Variants in TSPAN15 observed in about 807,000 individuals in gnomAD.
TSPAN15 encodes the protein tetraspanin 15.
In TSPAN15, 20 loss-of-function variants were observed where a neutral mutation model predicts 34.5. The ratio of observed to expected loss-of-function variants is 0.58; its 90% CI spans 0.41 to 0.84. The LOEUF (loss-of-function observed/expected upper bound fraction) is 0.84, where lower values mean the gene tolerates loss of function less well. Ranked by LOEUF, TSPAN15 falls within the 40% of genes least tolerant of loss-of-function variation. TSPAN15 has a pLI of 0.00. For synonymous variants in TSPAN15, 155 were observed against 153.9 expected, an observed-to-expected ratio of 1.01 and a Z score of -0.05; for missense variants, 313 against 386.1, an observed-to-expected ratio of 0.81 and a Z score of 1.59.
intron 5 of TSPAN15, among the ~76,000 whole-genome samples, chr10:69,502,736 G>A (rs1305167208): frequency 2.0e-5 from 3 of 152,096 alleles, no homozygotes; most frequent in Non-Finnish European, 4.4e-5. Flanking sequence ...AGTCCCCCCT[G>A]GGCCTGGAGA....
At chr10:69,482,975 TTTGTTG>T (rs965296687) in intron 1 of TSPAN15, among the ~76,000 whole-genome samples, 1 of 143,796 alleles carries the variant, frequency 7.0e-6, no homozygotes, top group African/African-American at 2.5e-5. Context: ...ATTTTTTTTT[TTTGTTG>T]TTGTTGTTGT....
chr10:69,529,168 G>T, the TSPAN15 span, among the ~76,000 whole-genome samples: 3 of 148,118 alleles, frequency 2.0e-5, no homozygotes, highest in Non-Finnish European at 4.5e-5. Context: ...GTCCTTCCCG[G>T]GTTCCCAAGA....
chr10:69,455,634 C>CCT (rs1841089090), intron 1 of TSPAN15, among the ~76,000 whole-genome samples: 1 of 126,150 alleles, frequency 7.9e-6, no homozygotes, highest in Non-Finnish European at 1.7e-5. Context: ...CTCCCCCCCC[C>CCT]GTCTCTTTCT....
intron 3 of TSPAN15, among the ~76,000 whole-genome samples, chr10:69,494,197 C>T (rs1842028908): frequency 6.6e-6 from 1 of 152,194 alleles, no homozygotes; most frequent in Non-Finnish European, 1.5e-5. Flanking sequence ...ACTCGTGCCT[C>T]AGAGGCTGCC....
intron 3 of TSPAN15, among the ~76,000 whole-genome samples, chr10:69,492,998 G>A (rs12413852): frequency 0.45 from 68,895 of 152,044 alleles, 16,127 homozygotes; most frequent in African/African-American, 0.54. Context: ...CCATGAGTAC[G>A]TAGCTCAGCC....
downstream of TSPAN15, among the ~76,000 whole-genome samples, chr10:69,508,256 C>A (rs545087378): frequency 2.0e-5 from 3 of 152,030 alleles, no homozygotes; most frequent in African/African-American, 7.2e-5. Flanking sequence ...GCCTGACCAA[C>A]ATAGTGAAAC....
Position 69,504,455 on chromosome 10 carries a change from C to T in TSPAN15, c.588C>T (p.Thr196=), listed in dbSNP as rs1842281884. ...CIRNTTEVVN[T]MCGYKTIDKE... Reference sequence around the variant, plus strand: ...CATTTCAGACAGAAGTTGTCAACACCATGTGTGGCTACAAAACTATCGACA... The same window carrying T: ...CATTTCAGACAGAAGTTGTCAACACTATGTGTGGCTACAAAACTATCGACA... Residue 196 remains threonine (T), a synonymous_variant, in exon 6 of 8, where the codon ACC becomes ACT. Transcript: ENST00000373290. 1 of 1,613,886 alleles carries T rather than the reference C, an allele frequency of 6.2e-7. No individual in the cohort carries two copies. The highest frequency in any genetic ancestry group is 1.7e-5 in the Admixed American group (1 of 59,992).
intron 1 of TSPAN15, among the ~76,000 whole-genome samples, chr10:69,455,822 A>T (rs28463525): frequency 0.12 from 17,759 of 151,786 alleles, 1,141 homozygotes; most frequent in Non-Finnish European, 0.13. Context: ...ATACAGCTTG[A>T]TGAGTTTTCA....
At chr10:69,533,903 T>C in the TSPAN15 span, among the ~76,000 whole-genome samples, 1,872 of 152,288 alleles carry the variant, frequency 0.012, 33 homozygotes, top group East Asian at 0.036. Flanking sequence ...TGCTGCAGAA[T>C]TGATTGCTTG....
chr10:69,473,901 G>A lies in TSPAN15; in HGVS notation c.97-9790G>A, dbSNP rs536894951. Reference sequence around the variant, plus strand: ...GTACAGTTCCGATGTGGGATTCCATGCAAAGGGGGAAAGAATAAACCAAGG... The same window carrying A: ...GTACAGTTCCGATGTGGGATTCCATACAAAGGGGGAAAGAATAAACCAAGG... On this transcript the variant is annotated intron_variant, in intron 1 of 7. Transcript: ENST00000373290. 2.0e-5 allele frequency among the ~76,000 whole-genome samples: 3 copies of A among 152,268 alleles called. No individual in the cohort carries two copies. In the East Asian group the frequency reaches 5.8e-4, roughly 29 times the overall value.
chr10:69,543,965 C>CT, the TSPAN15 span, among the ~76,000 whole-genome samples: 1 of 149,094 alleles, frequency 6.7e-6, no homozygotes, highest in Non-Finnish European at 1.5e-5. Flanking sequence ...ACATGGCCTC[C>CT]TGCATACAGG....
chr10:69,514,472 G>A, the TSPAN15 span, among the ~76,000 whole-genome samples: 1 of 152,290 alleles, frequency 6.6e-6, no homozygotes, highest in South Asian at 2.1e-4. Context: ...CACTAGTGAA[G>A]CTACCTGGAA....
intron 1 of TSPAN15, among the ~76,000 whole-genome samples, chr10:69,463,238 T>C (rs2133071593): frequency 6.6e-6 from 1 of 152,356 alleles, no homozygotes; most frequent in South Asian, 2.1e-4. Context: ...CCTTCAATGA[T>C]ATCTCGAGTT....
intron 3 of TSPAN15, among the ~76,000 whole-genome samples, chr10:69,486,313 T>C (rs1156562058): frequency 6.6e-6 from 1 of 152,218 alleles, no homozygotes; most frequent in Non-Finnish European, 1.5e-5. Context: ...AGAAGCCCCA[T>C]TCTCTGTGTC....
chr10:69,524,718 A>G, the TSPAN15 span, among the ~76,000 whole-genome samples: 1 of 147,250 alleles, frequency 6.8e-6, no homozygotes, highest in African/African-American at 2.5e-5. Context: ...TCAGTAGACA[A>G]AAAAAATAGA....
chr10:69,452,448 C>G (rs943331370), intron 1 of TSPAN15, among the ~76,000 whole-genome samples: 1 of 152,174 alleles, frequency 6.6e-6, no homozygotes, highest in African/African-American at 2.4e-5. Context: ...TGAGCACTTG[C>G]TGAGTGATCT....
chr10:69,507,212 G>A lies in TSPAN15; in HGVS notation c.*234G>A. ...AGCTCTGGAATCTGTGCCCACCTGG[G>A]GCCTGGGGAACAAGGCCCTCCTTTC... On this transcript the variant is annotated 3_prime_UTR_variant, in exon 8 of 8. Coordinates refer to ENST00000373290, the MANE Select transcript of TSPAN15 (RefSeq NM_012339.5). 7.1e-7 allele frequency: 1 copy of A among 1,407,466 alleles called. No homozygotes were observed. The highest frequency in any genetic ancestry group is 9.2e-7 in the Non-Finnish European group (1 of 1,086,100). The allele number at this position is 1,407,466 out of a possible 1,614,324, so 87.2% of individuals were successfully genotyped here. A position where few individuals can be genotyped will look rare whatever the true frequency, so the allele number is the denominator to read the frequency against.
At chr10:69,477,392 C>A (rs894981740) in intron 1 of TSPAN15, among the ~76,000 whole-genome samples, 1 of 152,144 alleles carries the variant, frequency 6.6e-6, no homozygotes, top group Non-Finnish European at 1.5e-5. Context: ...GGATTACAGA[C>A]ATGAGCCACT....
intron 5 of TSPAN15, among the ~76,000 whole-genome samples, chr10:69,501,887 A>G (rs1842215995): frequency 6.6e-6 from 1 of 152,178 alleles, no homozygotes; most frequent in South Asian, 2.1e-4. Context: ...TGTGCATGCA[A>G]GGGACCTAGG....
Sources: allele counts gnomAD v4.1 joint callset (sites outside exome capture counted in the v4.1 genomes callset), GRCh38; gene constraint gnomAD v4.1.1; transcripts MANE v1.5; gene names NCBI Gene and HGNC (gene_info 2026-07-23, HGNC 2026-07-21).